Variants in CLCN6 observed in about 807,000 individuals in gnomAD.
CLCN6 encodes the protein H(+)/Cl(-) exchange transporter 6.
In CLCN6, 70 loss-of-function variants were observed where a neutral mutation model predicts 109.8. The ratio of observed to expected loss-of-function variants is 0.64; its 90% CI spans 0.53 to 0.78. The LOEUF (loss-of-function observed/expected upper bound fraction) is 0.78. Among genes scored for constraint, CLCN6 ranks in the 30% least tolerant of loss-of-function variants. The probability of loss-of-function intolerance (pLI) is 0.00; values close to 1 mark genes in which losing one functional copy is unlikely to be tolerated. For synonymous variants in CLCN6, 444 were observed against 447.8 expected (o/e 0.99, Z 0.11); for missense variants, 984 against 1,142.3 (o/e 0.86, Z 2.00).
At position 11,833,640 on chromosome 1, in the gene CLCN6, T is replaced by G; in HGVS notation, c.1372+2T>G. On this transcript the variant is annotated splice_donor_variant, in intron 14 of 22. Coordinates refer to ENST00000346436, the MANE Select transcript of CLCN6 (RefSeq NM_001286.5). LOFTEE classifies it high-confidence loss of function. ...TCCTCCAGCTCTTCCACCAGGATGG[T>G]GAGTGTCTGCACTGCAGCCCAATCG... The G allele has an allele frequency of 6.2e-7, 1 of 1,613,398 alleles. No homozygotes were observed. The highest frequency in any genetic ancestry group is 8.5e-7 in the Non-Finnish European group (1 of 1,180,024).
In CLCN6 at chr1:11,806,227, T is replaced by G. The variant is rs1455549158; in HGVS notation, c.-36T>G. 1 of 1,400,978 alleles carries G rather than the reference T, an allele frequency of 7.1e-7. No individual in the cohort carries two copies. The highest frequency in any genetic ancestry group is 9.3e-7 in the Non-Finnish European group (1 of 1,072,090). 86.8% of individuals were successfully genotyped at this position (1,400,978 alleles called of 1,614,324 possible). A position where few individuals can be genotyped will look rare whatever the true frequency, so the allele number is the denominator to read the frequency against. On this transcript the variant is annotated 5_prime_UTR_variant, in exon 1 of 23. Coordinates refer to ENST00000346436, the MANE Select transcript of CLCN6 (RefSeq NM_001286.5). ...GCGCAGATCCTGGCTGGGAGGGGGTTGGTAGAGGGGTCCAGAGTGGCAGTA... is the reference window on the plus strand; with the variant it reads ...GCGCAGATCCTGGCTGGGAGGGGGTGGGTAGAGGGGTCCAGAGTGGCAGTA...
intron 2 of CLCN6, among the ~76,000 whole-genome samples, chr1:11,813,563 G>A (rs1024142283): frequency 2.0e-5 from 3 of 152,054 alleles, no homozygotes; most frequent in Non-Finnish European, 4.4e-5. Flanking sequence ...CCTAATTTGT[G>A]TATTTTTGGT....
At position 11,815,949 on chromosome 1, in the gene CLCN6, A is replaced by C. The variant is rs774669441; in HGVS notation, c.213+38A>C. ...ATTCTTCATCTCTGGGGATCAAATC[A>C]GTCTTAACATGGCATTTTTTTTCTC... On this transcript the variant is annotated intron_variant, in intron 3 of 22. Coordinates refer to ENST00000346436, the MANE Select transcript of CLCN6 (RefSeq NM_001286.5). The C allele has an allele frequency of 2.7e-6, 4 of 1,499,466 alleles. No homozygotes were observed. In the South Asian group the frequency reaches 4.5e-5, roughly 17 times the overall value. The allele number at this position is 1,499,466 out of a possible 1,614,324, so 92.9% of individuals were successfully genotyped here. A position where few individuals can be genotyped will look rare whatever the true frequency, so the allele number is the denominator to read the frequency against.
chr1:11,809,386 A>G (rs1356066394), intron 2 of CLCN6, among the ~76,000 whole-genome samples: 1 of 152,008 alleles, frequency 6.6e-6, no homozygotes, highest in Admixed American at 6.5e-5. Context: ...CACCCCTTCT[A>G]CTAAATTGTA....
Position 11,834,380 on chromosome 1 carries a change from C to T in CLCN6, c.1671C>T (p.Ile557=). 2 of 1,614,012 alleles carry T rather than the reference C, an allele frequency of 1.2e-6. No homozygotes were observed. Among genetic ancestry groups the T allele is most frequent in the African/African-American group, 1.3e-5 (1 of 75,042 alleles). Reference sequence around the variant, plus strand: ...ATGAGATCACCTACGGGCTCCCCATCATGGTCACACTGATGGTGAGCACAC... The same window carrying T: ...ATGAGATCACCTACGGGCTCCCCATTATGGTCACACTGATGGTGAGCACAC... ...STNEITYGLP[I]MVTLMVAKWT... Residue 557 remains isoleucine, a synonymous_variant, in exon 16 of 23, where the codon ATC becomes ATT. Transcript: ENST00000346436. The surrounding 1 kb of genome is among the most constrained non-coding windows in gnomAD (Gnocchi z 4.5).
intron 1 of CLCN6, 69 bp downstream of exon 1, chr1:11,806,418 G>A: frequency 7.2e-7 from 1 of 1,389,360 alleles, no homozygotes; most frequent in Non-Finnish European, 9.4e-7. Flanking sequence ...CGTTGCCGGG[G>A]GTGGGGCCGG....
At chr1:11,806,802 A>C in intron 1 of CLCN6, 1 of 382,890 alleles carries the variant, frequency 2.6e-6, no homozygotes, top group Non-Finnish European at 4.7e-6. Context: ...CAGAGTTGAC[A>C]AGTCCTTTCT....
rs186455079 is a variant in CLCN6, at chr1:11,807,799, A to G, written c.147+609A>G. Among the ~76,000 whole-genome samples, 10 of 152,346 alleles carry G rather than the reference A, an allele frequency of 6.6e-5. No homozygotes were observed. In the East Asian group the frequency reaches 1.9e-3, roughly 29 times the overall value. ...AAAAGATGACTGTTAACACCTTACT[A>G]AGTATCTTTCTACATCCTTACCCAT... is the stretch of plus-strand genomic sequence containing the variant. On this transcript the variant is annotated intron_variant, in intron 2 of 22. Transcript: ENST00000346436.
Position 11,840,219 on chromosome 1 carries a change from T to C in CLCN6, c.2606T>C (p.Ile869Thr), listed in dbSNP as rs1645002725. Residue 869 changes from isoleucine to threonine, a missense_variant, in exon 23 of 23, where the codon ATC (isoleucine) becomes ACC (threonine). Transcript: ENST00000346436. ...CGGCTGAGGCAGCACTACCAGACCA[T>C]CTGACAGCCCAGCCCACCCTCTCCT... ...QARLRQHYQTI is the reference protein window; with the variant it reads ...QARLRQHYQTT The C allele has an allele frequency of 1.2e-6, 2 of 1,612,262 alleles. No individual in the cohort carries two copies. The highest frequency in any genetic ancestry group is 1.7e-6 in the Non-Finnish European group (2 of 1,179,810).
chr1:11,830,036 C>A (rs764013579), intron 13 of CLCN6: 4 of 152,392 alleles, frequency 2.6e-5, no homozygotes, highest in Non-Finnish European at 5.9e-5. Context: ...GCATCCTCTG[C>A]CTCTTCCCGG....
chr1:11,828,401 TC>T, intron 11 of CLCN6, 56 bp from the exon 12 acceptor site: 1 of 1,601,078 alleles, frequency 6.2e-7, no homozygotes, highest in Non-Finnish European at 8.6e-7. Context: ...TTCTGTCTCT[TC>T]CGGTTCTCAT....
intron 17 of CLCN6, 22 bp from the exon 18 acceptor site, chr1:11,835,945 A>G (rs1488127154): frequency 1.2e-6 from 2 of 1,606,200 alleles, no homozygotes; most frequent in African/African-American, 2.7e-5. Context: ...ATGAGGCTGG[A>G]TGACTTGCCC....
At position 11,819,555 on chromosome 1, in the gene CLCN6, G is replaced by A. The variant is rs1202284394; in HGVS notation, c.346+1G>A. 1 of 1,614,064 alleles carries A rather than the reference G, an allele frequency of 6.2e-7. No homozygotes were observed. The highest frequency in any genetic ancestry group is 1.7e-5 in the Admixed American group (1 of 60,028). On this transcript the variant is annotated splice_donor_variant, in intron 5 of 22. Transcript: ENST00000346436. LOFTEE classifies it high-confidence loss of function. ...CTCAAGTTCGGAGTGGTACAGACATGTATCCTTTTCACGGTTCCTGGTGTT... is the reference window on the plus strand; with the variant it reads ...CTCAAGTTCGGAGTGGTACAGACATATATCCTTTTCACGGTTCCTGGTGTT...
rs893407910 is a variant in CLCN6, at chr1:11,841,860, C to T, written c.*1637C>T. 1 of 152,218 alleles carries T rather than the reference C, an allele frequency of 6.6e-6. No homozygotes were observed. Among genetic ancestry groups the T allele is most frequent in the African/African-American group, 2.4e-5 (1 of 41,462 alleles). 9.4% of individuals were successfully genotyped at this position (152,218 alleles called of 1,614,324 possible). On this transcript the variant is annotated 3_prime_UTR_variant, in exon 23 of 23. Coordinates refer to ENST00000346436, the MANE Select transcript of CLCN6 (RefSeq NM_001286.5). ...TTCCCCATTTTCTTATCTCCCTGAC[C>T]AAAATTGCTTTGACTTCTAAATGTT... is the stretch of plus-strand genomic sequence containing the variant.
At chr1:11,823,187 C>CT (rs1306417979) in intron 6 of CLCN6, among the ~76,000 whole-genome samples, 1 of 152,160 alleles carries the variant, frequency 6.6e-6, no homozygotes, top group Non-Finnish European at 1.5e-5. Flanking sequence ...AATTATTTTT[C>CT]TTTAAAAAGT....
intron 9 of CLCN6, 23 bp downstream of exon 9, chr1:11,826,237 T>C: frequency 1.2e-6 from 2 of 1,605,100 alleles, no homozygotes; most frequent in Non-Finnish European, 1.7e-6. Flanking sequence ...TAGAAATTGG[T>C]TTCTTTTTTG....
chr1:11,827,176 A>C lies in CLCN6; in HGVS notation c.795A>C (p.Leu265=). Residue 265 remains leucine (L), a synonymous_variant, in exon 10 of 23, where the codon CTA becomes CTC. Coordinates refer to ENST00000346436, the MANE Select transcript of CLCN6 (RefSeq NM_001286.5). ...GAPIGGTLFS[L]EEGSSFWNQG... is the part of the protein sequence containing the mutation. ...CAATCGGGGGTACCTTGTTCAGTCTAGAGGAGGGTTCGTCCTTCTGGAACC... is the reference window on the plus strand; with the variant it reads ...CAATCGGGGGTACCTTGTTCAGTCTCGAGGAGGGTTCGTCCTTCTGGAACC... 2 of 1,613,790 alleles carry C rather than the reference A, an allele frequency of 1.2e-6. No homozygotes were observed. The highest frequency in any genetic ancestry group is 8.5e-7 in the Non-Finnish European group (1 of 1,179,814).
chr1:11,839,730 G>A (rs573338017), intron 22 of CLCN6, among the ~76,000 whole-genome samples: 13 of 152,368 alleles, frequency 8.5e-5, no homozygotes, highest in African/African-American at 2.6e-4. Flanking sequence ...ACAGTGACAC[G>A]TGGGAACCAC....
intron 2 of CLCN6, among the ~76,000 whole-genome samples, chr1:11,810,075 T>C (rs1170019343): frequency 1.3e-5 from 2 of 152,182 alleles, no homozygotes; most frequent in Non-Finnish European, 2.9e-5. Flanking sequence ...AGTAAGGTAT[T>C]AATAGTCATA....
Sources: gnomAD v4.1 joint callset for allele counts (sites outside exome capture counted in the v4.1 genomes callset) on GRCh38, gnomAD v4.1.1 for gene constraint, Gnocchi (gnomAD v3.1) non-coding constraint, MANE v1.5 for transcripts, NCBI Gene and HGNC (gene_info 2026-07-23, HGNC 2026-07-21) for gene names.